PPARA: variants seen among roughly 807,000 people sequenced by gnomAD.
PPARA encodes the protein peroxisome proliferator-activated receptor alpha.
PPARA carries 22 observed loss-of-function variants against 42.2 expected under a neutral mutation model. That is an observed-to-expected ratio of 0.52 (90% CI 0.37 to 0.74). The LOEUF is 0.74. PPARA is among the 30% of genes least tolerant of loss of function. The pLI is 0.00. For synonymous variants in PPARA, 242 were observed against 239.3 expected, an observed-to-expected ratio of 1.01 and a Z score of -0.10; for missense variants, 465 against 608.2, an observed-to-expected ratio of 0.76 and a Z score of 2.48.
chr22:46,230,858 A>G lies in PPARA; in HGVS notation c.712-934A>G, dbSNP rs1935818026. Reference sequence around the variant, plus strand: ...CTGAGTTGTATGTATTTACATGCCAAATGTATTCATTGAGCAGCGTTAAAT... The same window carrying G: ...CTGAGTTGTATGTATTTACATGCCAGATGTATTCATTGAGCAGCGTTAAAT... On this transcript the variant is annotated intron_variant, in intron 7 of 8. Coordinates refer to ENST00000407236, the MANE Select transcript of PPARA (RefSeq NM_005036.6). This position sits in a 1 kb window ranked among gnomAD's most constrained non-coding sequence, Gnocchi z 5.0. Among the ~76,000 whole-genome samples, 1 of 152,234 alleles carries G rather than the reference A, an allele frequency of 6.6e-6. No homozygotes were observed. The highest frequency in any genetic ancestry group is 6.5e-5 in the Admixed American group (1 of 15,282).
intron 2 of PPARA, among the ~76,000 whole-genome samples, chr22:46,166,451 C>G (rs1170213498): frequency 6.6e-6 from 1 of 152,038 alleles, no homozygotes; most frequent in Non-Finnish European, 1.5e-5. Flanking sequence ...AACCCCATCT[C>G]TACTAAAAAT....
rs1389376721 is a variant in PPARA, at chr22:46,173,016, G to A, written c.-126-3737G>A. Among the ~76,000 whole-genome samples, 1 of 152,140 alleles carries A rather than the reference G, an allele frequency of 6.6e-6. No individual in the cohort carries two copies. The highest frequency in any genetic ancestry group is 2.4e-5 in the African/African-American group (1 of 41,430). ...TTCCATTTTTACCCTTAAATGGCTT[G>A]CTTCTGCTCCCTTAGTGTTCTTGTC... On this transcript the variant is annotated intron_variant, in intron 2 of 8. Transcript: ENST00000407236. The surrounding 1 kb of genome is among the most constrained non-coding windows in gnomAD (Gnocchi z 4.3).
chr22:46,229,540 CAGAGCA>C (rs747509022), intron 7 of PPARA, among the ~76,000 whole-genome samples: 98 of 150,164 alleles, frequency 6.5e-4, no homozygotes, highest in African/African-American at 1.8e-3. Flanking sequence ...GCCTGGGCAA[CAGAGCA>C]AGACTCTGTC....
intron 7 of PPARA, among the ~76,000 whole-genome samples, chr22:46,228,273 G>A (rs1023784602): frequency 2.3e-4 from 35 of 152,198 alleles, no homozygotes; most frequent in African/African-American, 8.4e-4. Flanking sequence ...GGTGGCTCAC[G>A]CCTGTAATCC....
intron 2 of PPARA, chr22:46,155,004 AAAAAAAAAAAAAAAAAAAAAAAAC>A (rs1925050637): frequency 7.2e-6 from 1 of 138,542 alleles, no homozygotes. Flanking sequence ...AAAAAAAAAA[AAAAAAAAAAAAAAAAAAAAAAAAC>A]CACATTAATT....
intron 3 of PPARA, among the ~76,000 whole-genome samples, chr22:46,179,878 C>T (rs1929703239): frequency 6.6e-6 from 1 of 152,096 alleles, no homozygotes; most frequent in Non-Finnish European, 1.5e-5. Context: ...AAGAAAATAA[C>T]CCAGTTTTAA....
Position 46,211,465 on chromosome 22 carries a change from G to A in PPARA, c.209-3708G>A, listed in dbSNP as rs150247239. Among the ~76,000 whole-genome samples the A allele has an allele frequency of 2.6e-5, 4 of 152,240 alleles. No homozygotes were observed. The highest frequency in any genetic ancestry group is 1.9e-4 in the East Asian group (1 of 5,180). On this transcript the variant is annotated intron_variant, in intron 4 of 8. Transcript: ENST00000407236. The surrounding 1 kb of genome is among the most constrained non-coding windows in gnomAD (Gnocchi z 4.1). Reference sequence around the variant, plus strand: ...ATCATTCCAAATTATTCGGTGCAGCGCCTTTCCGCACCTGCACCCACTTTT... The same window carrying A: ...ATCATTCCAAATTATTCGGTGCAGCACCTTTCCGCACCTGCACCCACTTTT...
In PPARA at chr22:46,182,807, C is replaced by T. The variant is rs76113875; in HGVS notation, c.-43+5971C>T. On this transcript the variant is annotated intron_variant, in intron 3 of 8. Coordinates refer to ENST00000407236, the MANE Select transcript of PPARA (RefSeq NM_005036.6). This position sits in a 1 kb window ranked among gnomAD's most constrained non-coding sequence, Gnocchi z 5.2. ...TCGTCCAGGCTGGAGTGCAATGGCA[C>T]CGTCTCAGAGCACTGTAACCTCCGC... Among the ~76,000 whole-genome samples, 4 of 152,080 alleles carry T rather than the reference C, an allele frequency of 2.6e-5. No homozygotes were observed. Among genetic ancestry groups the T allele is most frequent in the Non-Finnish European group, 4.4e-5 (3 of 68,018 alleles).
Position 46,183,385 on chromosome 22 carries a change from A to G in PPARA, c.-43+6549A>G, listed in dbSNP as rs1218820171. On this transcript the variant is annotated intron_variant, in intron 3 of 8. Transcript: ENST00000407236. The surrounding 1 kb of genome is among the most constrained non-coding windows in gnomAD (Gnocchi z 5.5). ...CTCCAAGAGAGAGTAATATTCATCA[A>G]GAGGATCATCTACTCAACACAGATA... is the stretch of plus-strand genomic sequence containing the variant. 6.6e-6 allele frequency among the ~76,000 whole-genome samples: 1 copy of G among 152,252 alleles called. No individual in the cohort carries two copies. Among genetic ancestry groups the G allele is most frequent in the Admixed American group, 6.5e-5 (1 of 15,282 alleles).
At chr22:46,199,059 G>GAAGA in intron 4 of PPARA, among the ~76,000 whole-genome samples, 1 of 152,334 alleles carries the variant, frequency 6.6e-6, no homozygotes, top group Non-Finnish European at 1.5e-5. Flanking sequence ...GCCCTGGAAG[G>GAAGA]CGCGTGTCAC....
In PPARA at chr22:46,162,973, G is replaced by C. The variant is rs1926437149; in HGVS notation, c.-127+11003G>C. Among the ~76,000 whole-genome samples, 1 of 152,236 alleles carries C rather than the reference G, an allele frequency of 6.6e-6. No homozygotes were observed. The highest frequency in any genetic ancestry group is 2.4e-5 in the African/African-American group (1 of 41,446). ...CGTACTGCGTGCCAGGCACTGTCCT[G>C]CTGTGGAAAACAGCAGGCATGATTC... On this transcript the variant is annotated intron_variant, in intron 2 of 8. Coordinates refer to ENST00000407236, the MANE Select transcript of PPARA (RefSeq NM_005036.6). This position sits in a 1 kb window ranked among gnomAD's most constrained non-coding sequence, Gnocchi z 6.0.
Position 46,159,397 on chromosome 22 carries a change from G to A in PPARA, c.-127+7427G>A, listed in dbSNP as rs4253783. On this transcript the variant is annotated intron_variant, in intron 2 of 8. Transcript: ENST00000407236. ...TTGTGAAGCAGCGTATTTTGCTTGAGTTGTACGATTGTCGTTTTTTTCCCC... is the reference window on the plus strand; with the variant it reads ...TTGTGAAGCAGCGTATTTTGCTTGAATTGTACGATTGTCGTTTTTTTCCCC... Among the ~76,000 whole-genome samples the A allele has an allele frequency of 4.5e-3, 679 of 152,294 alleles. 3 individuals carry two copies. Among genetic ancestry groups the A allele is most frequent in the Non-Finnish European group, 8.0e-3 (541 of 68,030 alleles).
Position 46,162,486 on chromosome 22 carries a change from G to A in PPARA, c.-127+10516G>A, listed in dbSNP as rs1431936592. ...GACCTCAGCTTAAACTCACTCTTAGGGAAGGCTCCCTGAACCACCTGCTGG... is the reference window on the plus strand; with the variant it reads ...GACCTCAGCTTAAACTCACTCTTAGAGAAGGCTCCCTGAACCACCTGCTGG... On this transcript the variant is annotated intron_variant, in intron 2 of 8. Transcript: ENST00000407236. The surrounding 1 kb of genome is among the most constrained non-coding windows in gnomAD (Gnocchi z 6.0). Among the ~76,000 whole-genome samples the A allele has an allele frequency of 6.6e-6, 1 of 152,158 alleles. No homozygotes were observed. The highest frequency in any genetic ancestry group is 1.5e-5 in the Non-Finnish European group (1 of 68,032).
In PPARA at chr22:46,180,943, G is replaced by A. The variant is rs780852846; in HGVS notation, c.-43+4107G>A. ...AAGGAGATTGGCTCTCCTGCATCCCGGTGTCCTTCCTAGACAGCACAACGG... is the reference window on the plus strand; with the variant it reads ...AAGGAGATTGGCTCTCCTGCATCCCAGTGTCCTTCCTAGACAGCACAACGG... On this transcript the variant is annotated intron_variant, in intron 3 of 8. Transcript: ENST00000407236. The surrounding 1 kb of genome is among the most constrained non-coding windows in gnomAD (Gnocchi z 4.2). Among the ~76,000 whole-genome samples the A allele has an allele frequency of 2.6e-5, 4 of 152,126 alleles. No individual in the cohort carries two copies. Among genetic ancestry groups the A allele is most frequent in the Non-Finnish European group, 2.9e-5 (2 of 68,006 alleles).
Position 46,237,381 on chromosome 22 carries a change from T to C in PPARA, c.*2001T>C, listed in dbSNP as rs1361009716. ...GGGAGGCCGAGGTGGGAGGATCACT[T>C]GAGCCCAGGAGTTCGAGACCAGCCT... On this transcript the variant is annotated 3_prime_UTR_variant, in exon 9 of 9. Transcript: ENST00000407236. The surrounding 1 kb of genome is among the most constrained non-coding windows in gnomAD (Gnocchi z 6.7). 6.6e-6 allele frequency: 1 copy of C among 152,536 alleles called. No individual in the cohort carries two copies. The highest frequency in any genetic ancestry group is 1.5e-5 in the Non-Finnish European group (1 of 68,360). 9.4% of individuals were successfully genotyped at this position (152,536 alleles called of 1,614,324 possible). A position where few individuals can be genotyped will look rare whatever the true frequency, so the allele number is the denominator to read the frequency against.
intron 4 of PPARA, among the ~76,000 whole-genome samples, chr22:46,206,343 G>A (rs556089051): frequency 3.9e-5 from 6 of 152,118 alleles, no homozygotes; most frequent in Admixed American, 2.6e-4. Context: ...TCTCAAACTC[G>A]TGACCTTGTG....
chr22:46,207,232 A>G (rs1012998440), intron 4 of PPARA, among the ~76,000 whole-genome samples: 2 of 151,624 alleles, frequency 1.3e-5, no homozygotes, highest in African/African-American at 4.8e-5. Flanking sequence ...CCCTGCAAAA[A>G]AAAAGAAAAA....
intron 3 of PPARA, among the ~76,000 whole-genome samples, chr22:46,179,029 T>C (rs532306680): frequency 2.6e-5 from 4 of 152,318 alleles, no homozygotes; most frequent in Admixed American, 6.5e-5. Flanking sequence ...GGTGAGGGCC[T>C]TCCTGCTGGA....
rs1931469825 is a variant in PPARA at position 46,191,059 on chromosome 22, G to A, written c.-42-7283G>A. ...ATACAAAAAATTAGCCGGGCGTGGT[G>A]GTGTGTGCCTGTAGTCCCAGCTACT... On this transcript the variant is annotated intron_variant, in intron 3 of 8. Coordinates refer to ENST00000407236, the MANE Select transcript of PPARA (RefSeq NM_005036.6). The surrounding 1 kb of genome is among the most constrained non-coding windows in gnomAD (Gnocchi z 4.6). Among the ~76,000 whole-genome samples the A allele has an allele frequency of 6.6e-6, 1 of 152,128 alleles. No homozygotes were observed.
Sources: gnomAD v4.1 joint callset for allele counts (sites outside exome capture counted in the v4.1 genomes callset) on GRCh38, gnomAD v4.1.1 for gene constraint, Gnocchi (gnomAD v3.1) non-coding constraint, MANE v1.5 for transcripts, NCBI Gene and HGNC (gene_info 2026-07-23, HGNC 2026-07-21) for gene names.